Variants in ACTN2 observed in about 807,000 individuals in gnomAD.
ACTN2 encodes actinin alpha 2, also known as alpha-actinin-2.
ACTN2 carries 39 observed loss-of-function variants against 113.8 expected under a neutral mutation model. The observed-to-expected ratio is 0.34, with a 90% CI of 0.27 to 0.45. ACTN2 has a LOEUF of 0.45. Among genes scored for constraint, ACTN2 ranks in the 20% least tolerant of loss-of-function variants. The probability of loss-of-function intolerance (pLI) is 1.00; values close to 1 mark genes in which losing one functional copy is unlikely to be tolerated. For synonymous variants in ACTN2, 429 were observed against 444.1 expected (o/e 0.97, Z 0.43); for missense variants, 992 against 1,177.9 (o/e 0.84, Z 2.31).
At chr1:236,750,646 G>T (rs1360709177) in intron 14 of ACTN2, among the ~76,000 whole-genome samples, 1 of 152,142 alleles carries the variant, frequency 6.6e-6, no homozygotes, top group Non-Finnish European at 1.5e-5. Context: ...TTGATAAATG[G>T]CTCTTTAGAG....
intron 14 of ACTN2, among the ~76,000 whole-genome samples, chr1:236,749,871 T>A (rs1054167050): frequency 1.5e-4 from 23 of 152,268 alleles, no homozygotes; most frequent in African/African-American, 5.5e-4. Context: ...AATAAACATA[T>A]GTGCTCTTGG....
intron 14 of ACTN2, 117 bp downstream of exon 14, chr1:236,749,381 G>A: frequency 7.1e-7 from 1 of 1,400,852 alleles, no homozygotes; most frequent in Non-Finnish European, 9.8e-7. Context: ...TAACAAATGT[G>A]GCTAGAAAGC....
Position 236,727,673 on chromosome 1 carries a change from T to C in ACTN2, c.537-5T>C. The C allele has an allele frequency of 6.2e-7, 1 of 1,614,152 alleles. No homozygotes were observed. Among genetic ancestry groups the C allele is most frequent in the Non-Finnish European group, 8.5e-7 (1 of 1,179,998 alleles). ...GTGTTCCTGTTCTTCTCGACGGCTG[T>C]GAAGCTGGAAAGATGGCCTTGGACT... On this transcript the variant is annotated splice_polypyrimidine_tract_variant and splice_region_variant and intron_variant, in intron 5 of 20. Coordinates refer to ENST00000366578, the MANE Select transcript of ACTN2 (RefSeq NM_001103.4).
In ACTN2 at chr1:236,686,710, G is replaced by C; in HGVS notation, c.37G>C (p.Val13Leu). The change falls in exon 1 of 21, where the codon GTG becomes CTG. Residue 13 changes from valine to leucine, a missense_variant. Physicochemically the swap from Val to Leu is conservative, Grantham distance 32 (BLOSUM62 1). Around this residue, in one of 3 missense-constraint regions of ACTN2, gnomAD observed 36 missense variants for 25.0 expected, o/e 1.44. Transcript: ENST00000366578. ...AGAGCCCGGCGTGCAGTACAACTACGTGTACGACGAGGATGAGTACATGAT... is the reference window on the plus strand; with the variant it reads ...AGAGCCCGGCGTGCAGTACAACTACCTGTACGACGAGGATGAGTACATGAT... ...QIEPGVQYNY[V>L]YDEDEYMIQE... 6.4e-7 allele frequency: 1 copy of C among 1,567,784 alleles called. No homozygotes were observed. The highest frequency in any genetic ancestry group is 8.6e-7 in the Non-Finnish European group (1 of 1,156,898).
At chr1:236,744,380 C>T (rs1659161538) in intron 11 of ACTN2, among the ~76,000 whole-genome samples, 1 of 152,170 alleles carries the variant, frequency 6.6e-6, no homozygotes, top group Admixed American at 6.5e-5. Context: ...TAAAAACGCA[C>T]TCAGCATGCT....
chr1:236,736,758 A>G (rs1658889672), intron 8 of ACTN2: 2 of 849,390 alleles, frequency 2.4e-6, no homozygotes, highest in Non-Finnish European at 3.7e-6. Context: ...TCGTCATGAG[A>G]TCAGTGGAGA....
intron 4 of ACTN2, among the ~76,000 whole-genome samples, chr1:236,725,425 C>T (rs185761054): frequency 6.6e-5 from 10 of 152,122 alleles, no homozygotes; most frequent in Non-Finnish European, 1.5e-4. Flanking sequence ...GTCAGGAGTT[C>T]AAGACCAGCC....
At chr1:236,710,737 G>A (rs1396772145) in intron 1 of ACTN2, among the ~76,000 whole-genome samples, 1 of 152,184 alleles carries the variant, frequency 6.6e-6, no homozygotes, top group Non-Finnish European at 1.5e-5. Flanking sequence ...CCTGAACTCC[G>A]CCTCCTGTCA....
intron 20 of ACTN2, 28 bp downstream of exon 20, chr1:236,761,201 T>C: frequency 6.2e-7 from 1 of 1,613,910 alleles, no homozygotes; most frequent in Non-Finnish European, 8.5e-7. Flanking sequence ...TCCTTCTGCT[T>C]TAGCAGGAGT....
rs1427926695 is a variant in ACTN2, at chr1:236,717,949, T to A, written c.218T>A (p.Met73Lys). 6.2e-7 allele frequency: 1 copy of A among 1,614,112 alleles called. No individual in the cohort carries two copies. Among genetic ancestry groups the A allele is most frequent in the East Asian group, 2.2e-5 (1 of 44,884 alleles). ...EEDFRNGLKL[M>K]LLLEVISGER... ...GACTTCAGGAATGGCCTTAAGCTCA[T>A]GCTGCTTTTGGAAGTCATCTCAGGT... The change falls in exon 2 of 21, where the codon ATG (methionine) becomes AAG (lysine). Residue 73 changes from methionine to lysine, a missense_variant. Met to Lys is a moderately conservative substitution (Grantham distance 95). Around this residue, in one of 3 missense-constraint regions of ACTN2, gnomAD observed 220 missense variants for 337.5 expected, o/e 0.65. Transcript: ENST00000366578.
chr1:236,724,271 C>T (rs1040710120), intron 4 of ACTN2, among the ~76,000 whole-genome samples: 1 of 152,154 alleles, frequency 6.6e-6, no homozygotes, highest in Admixed American at 6.5e-5. Flanking sequence ...AGGGCCCCAC[C>T]CTCGTGACCT....
At chr1:236,704,675 G>C (rs954811335) in intron 1 of ACTN2, among the ~76,000 whole-genome samples, 2 of 152,164 alleles carry the variant, frequency 1.3e-5, no homozygotes, top group African/African-American at 4.8e-5. Flanking sequence ...ATAGGGTGAG[G>C]TATGGGGGAA....
At chr1:236,726,081 A>C in intron 5 of ACTN2, 61 bp downstream of exon 5, 8 of 1,465,650 alleles carry the variant, frequency 5.5e-6, no homozygotes, top group Non-Finnish European at 7.7e-6. Flanking sequence ...AGCATGGGGA[A>C]CAGTGTTTGT....
chr1:236,725,215 G>A (rs1320518337), intron 4 of ACTN2, among the ~76,000 whole-genome samples: 3 of 152,174 alleles, frequency 2.0e-5, no homozygotes, highest in Admixed American at 6.5e-5. Context: ...TCAATCAAGA[G>A]GCAGGGAAAG....
At chr1:236,760,881 C>A in intron 19 of ACTN2, 134 bp from the exon 20 acceptor site, 2 of 1,167,166 alleles carry the variant, frequency 1.7e-6, no homozygotes, top group Non-Finnish European at 2.5e-6. Flanking sequence ...TGTCCAAAGA[C>A]TGAAGGGAAA....
intron 9 of ACTN2, among the ~76,000 whole-genome samples, chr1:236,737,715 G>A (rs1002438975): frequency 6.6e-6 from 1 of 152,130 alleles, no homozygotes; most frequent in Admixed American, 6.5e-5. Context: ...GAAATCTGGG[G>A]AAGACAGAGC....
At chr1:236,706,836 T>G (rs1422304153) in intron 1 of ACTN2, among the ~76,000 whole-genome samples, 1 of 152,228 alleles carries the variant, frequency 6.6e-6, no homozygotes, top group East Asian at 1.9e-4. Context: ...ACAAGCTCTG[T>G]GTGTGCGAAT....
chr1:236,749,293 A>G (rs1328695371), intron 14 of ACTN2, 29 bp downstream of exon 14: 3 of 1,613,746 alleles, frequency 1.9e-6, no homozygotes, highest in Non-Finnish European at 2.5e-6. Flanking sequence ...TGTATGCCCT[A>G]TGCATTAGAA....
In ACTN2 at chr1:236,757,637, C is replaced by T. The variant is rs1447653908; in HGVS notation, c.2301+5C>T. ...TCCTTCAACCACTTTGACAGGGTAC[C>T]ACTCTCTACTTATTTGAAGGGCAAT... On this transcript the variant is annotated splice_donor_5th_base_variant and intron_variant, in intron 18 of 20. Transcript: ENST00000366578. 18 of 1,613,918 alleles carry T rather than the reference C, an allele frequency of 1.1e-5. No homozygotes were observed. In the Admixed American group the frequency reaches 2.8e-4, roughly 25 times the overall value.
Sources: allele counts gnomAD v4.1 joint callset (sites outside exome capture counted in the v4.1 genomes callset), GRCh38; gene constraint gnomAD v4.1.1; regional missense constraint gnomAD v4.1.1; transcripts MANE v1.5; gene names NCBI Gene and HGNC (gene_info 2026-07-23, HGNC 2026-07-21).